Variants in UBE2Q2 observed in about 807,000 individuals in gnomAD.
UBE2Q2 encodes ubiquitin-conjugating enzyme E2 Q2.
In UBE2Q2, 54 loss-of-function variants were observed where a neutral mutation model predicts 59.9. That is an observed-to-expected ratio of 0.90 (90% confidence interval 0.72 to 1.13). The LOEUF (loss-of-function observed/expected upper bound fraction) is 1.13, where lower values mean the gene tolerates loss of function less well. UBE2Q2 is among the 50% of genes most tolerant of loss of function. UBE2Q2 has a pLI of 0.00. For missense variants in UBE2Q2, 433 were observed against 441.9 expected, an observed-to-expected ratio of 0.98 and a Z score of 0.18; for synonymous variants, 165 against 155.2, an observed-to-expected ratio of 1.06 and a Z score of -0.47.
At chr15:75,883,261 G>T (rs1898544818) in intron 8 of UBE2Q2, 105 bp from the exon 9 acceptor site, 2 of 1,046,012 alleles carry the variant, frequency 1.9e-6, no homozygotes, top group Non-Finnish European at 2.8e-6. Context: ...CCCATTATCT[G>T]ATAATAAATG....
intron 11 of UBE2Q2, 111 bp downstream of exon 11, chr15:75,891,125 G>T: frequency 4.8e-6 from 4 of 829,630 alleles, no homozygotes; most frequent in South Asian, 2.2e-5. Flanking sequence ...ATTTTCATTT[G>T]GTTTGTTTTC....
intron 2 of UBE2Q2, among the ~76,000 whole-genome samples, chr15:75,856,269 G>GTGTATATATATATA (rs1256142539): frequency 1.7e-4 from 24 of 139,274 alleles, no homozygotes; most frequent in African/African-American, 6.0e-4. Flanking sequence ...GTGTGTGTGT[G>GTGTATATATATATA]TATATATATA....
At chr15:75,888,243 C>G (rs1366817971) in intron 9 of UBE2Q2, among the ~76,000 whole-genome samples, 2 of 152,162 alleles carry the variant, frequency 1.3e-5, no homozygotes, top group Admixed American at 6.5e-5. Context: ...AGCAGTCACT[C>G]CCTGTACCCG....
At chr15:75,893,678 A>G (rs1250270228) in intron 11 of UBE2Q2, among the ~76,000 whole-genome samples, 1 of 152,228 alleles carries the variant, frequency 6.6e-6, no homozygotes, top group Non-Finnish European at 1.5e-5. Context: ...TTATAGATCC[A>G]TAAAATCAGA....
chr15:75,889,450 A>G (rs1383523569), intron 9 of UBE2Q2, among the ~76,000 whole-genome samples: 1 of 152,168 alleles, frequency 6.6e-6, no homozygotes, highest in Non-Finnish European at 1.5e-5. Context: ...CTTGTCTGCA[A>G]AGTAATTTGG....
At chr15:75,894,575 C>T (rs575255371) in intron 11 of UBE2Q2, among the ~76,000 whole-genome samples, 42 of 152,130 alleles carry the variant, frequency 2.8e-4, no homozygotes, top group African/African-American at 9.6e-4. Flanking sequence ...CAGAGCAAGA[C>T]TCCATCTCTT....
intron 2 of UBE2Q2, among the ~76,000 whole-genome samples, chr15:75,859,300 A>G (rs1897090915): frequency 1.3e-5 from 2 of 152,106 alleles, no homozygotes; most frequent in South Asian, 4.1e-4. Flanking sequence ...AATCTTTACC[A>G]TTCTGGGAAA....
At chr15:75,878,043 A>C in intron 7 of UBE2Q2, 22 bp downstream of exon 7, 1 of 1,609,388 alleles carries the variant, frequency 6.2e-7, no homozygotes, top group African/African-American at 1.3e-5. Context: ...TTTAATGCTC[A>C]CCCACTCTTT....
intron 7 of UBE2Q2, 32 bp downstream of exon 7, chr15:75,878,053 T>C: frequency 6.3e-7 from 1 of 1,592,288 alleles, no homozygotes; most frequent in East Asian, 2.2e-5. Flanking sequence ...ACCCACTCTT[T>C]GCAATGGTAG....
chr15:75,862,435 A>G (rs547900841), intron 3 of UBE2Q2, among the ~76,000 whole-genome samples: 105 of 148,792 alleles, frequency 7.1e-4, no homozygotes, highest in Non-Finnish European at 9.2e-4. Flanking sequence ...TTTTTTTTAA[A>G]CCTTTCCTCA....
intron 8 of UBE2Q2, among the ~76,000 whole-genome samples, chr15:75,882,710 A>G (rs554808101): frequency 1.3e-5 from 2 of 152,322 alleles, no homozygotes; most frequent in African/African-American, 4.8e-5. Flanking sequence ...TTACATTTCT[A>G]TTGCAAGTTA....
chr15:75,847,874 G>T (rs1226239858), intron 1 of UBE2Q2, among the ~76,000 whole-genome samples: 1 of 152,146 alleles, frequency 6.6e-6, no homozygotes, highest in Non-Finnish European at 1.5e-5. Flanking sequence ...GAGCATAAAT[G>T]ATTACCCTTT....
intron 2 of UBE2Q2, among the ~76,000 whole-genome samples, chr15:75,855,229 G>C (rs1372746080): frequency 6.6e-6 from 1 of 152,076 alleles, no homozygotes; most frequent in African/African-American, 2.4e-5. Flanking sequence ...GGTGGCTCAC[G>C]CCTGTAATCT....
At chr15:75,849,272 T>C (rs1300012564) in intron 1 of UBE2Q2, among the ~76,000 whole-genome samples, 3 of 152,198 alleles carry the variant, frequency 2.0e-5, no homozygotes, top group African/African-American at 4.8e-5. Context: ...AACAGCAAAC[T>C]ATGAAAGTAA....
chr15:75,856,265 G>A (rs1896902809), intron 2 of UBE2Q2, among the ~76,000 whole-genome samples: 1 of 103,290 alleles, frequency 9.7e-6, no homozygotes, highest in African/African-American at 3.9e-5. Flanking sequence ...GTGTGTGTGT[G>A]TGTGTATATA....
At chr15:75,855,261 C>T (rs1052257461) in intron 2 of UBE2Q2, among the ~76,000 whole-genome samples, 4 of 152,064 alleles carry the variant, frequency 2.6e-5, no homozygotes, top group Admixed American at 6.5e-5. Context: ...GAAGCTGAGG[C>T]GGGCGGATCA....
intron 3 of UBE2Q2, among the ~76,000 whole-genome samples, chr15:75,862,970 G>A (rs961468213): frequency 6.6e-6 from 1 of 152,090 alleles, no homozygotes; most frequent in Non-Finnish European, 1.5e-5. Context: ...ATGATGGCTG[G>A]AACTACTCCA....
chr15:75,888,786 C>G (rs1898932957), intron 9 of UBE2Q2, among the ~76,000 whole-genome samples: 1 of 152,176 alleles, frequency 6.6e-6, no homozygotes, highest in African/African-American at 2.4e-5. Flanking sequence ...TTATTACGTA[C>G]TTGTACAAAT....
At chr15:75,868,461 G>A (rs143765733) in intron 3 of UBE2Q2, among the ~76,000 whole-genome samples, 10 of 152,212 alleles carry the variant, frequency 6.6e-5, no homozygotes, top group African/African-American at 2.4e-4. Context: ...ATAATTCTTA[G>A]TTTTGTGAAA....
Sources: allele counts gnomAD v4.1 joint callset (sites outside exome capture counted in the v4.1 genomes callset), GRCh38; gene constraint gnomAD v4.1.1; transcripts MANE v1.5; gene names NCBI Gene and HGNC (gene_info 2026-07-23, HGNC 2026-07-21).